Variants in ICE2 observed in about 807,000 individuals in gnomAD.
ICE2 encodes little elongation complex subunit 2.
In ICE2, 87 loss-of-function variants were observed where a neutral mutation model predicts 105.4. The observed-to-expected ratio is 0.83, with a 90% confidence interval of 0.69 to 0.99. The LOEUF (loss-of-function observed/expected upper bound fraction) is 0.99, where lower values mean the gene tolerates loss of function less well. Among genes scored for constraint, ICE2 ranks in the 50% least tolerant of loss-of-function variants. The probability of loss-of-function intolerance (pLI) is 0.00; values close to 1 mark genes in which losing one functional copy is unlikely to be tolerated. For missense variants in ICE2, 1,323 were observed against 1,146.7 expected, an observed-to-expected ratio of 1.15 and a Z score of -2.22; for synonymous variants, 399 against 392.0, an observed-to-expected ratio of 1.02 and a Z score of -0.21.
In ICE2 at chr15:60,437,259, A is replaced by AAT. The variant is rs879345467; in HGVS notation, c.2426-1034_2426-1033dup. On this transcript the variant is annotated intron_variant, in intron 12 of 15. Transcript: ENST00000261520. ...GACAGAGTAAGACTCCGTCTCAAAA[A>AAT]ATATATATATATATTTATTAAAGCA... is the stretch of plus-strand genomic sequence containing the variant. Among the ~76,000 whole-genome samples the AAT allele has an allele frequency of 1.9e-3, 281 of 151,540 alleles. 1 individual carries two copies. The highest frequency in any genetic ancestry group is 6.3e-3 in the African/African-American group (261 of 41,360).
intron 13 of ICE2, among the ~76,000 whole-genome samples, chr15:60,432,208 G>T (rs1318951810): frequency 7.5e-6 from 1 of 133,188 alleles, no homozygotes. Flanking sequence ...TTTTGAGATG[G>T]AGTCCTGCTC....
At chr15:60,463,777 A>ATT (rs2064345246) in intron 5 of ICE2, among the ~76,000 whole-genome samples, 2 of 152,224 alleles carry the variant, frequency 1.3e-5, no homozygotes, top group Admixed American at 1.3e-4. Context: ...TCTCTTAAAA[A>ATT]AAGAAAAAAA....
At chr15:60,475,459 CA>C (rs35367619) in intron 3 of ICE2, among the ~76,000 whole-genome samples, 9 of 148,980 alleles carry the variant, frequency 6.0e-5, no homozygotes, top group Non-Finnish European at 6.0e-5. Flanking sequence ...TTTTAATTAC[CA>C]AAAAAAAAGA....
At chr15:60,459,304 A>C (rs1200814464) in intron 5 of ICE2, among the ~76,000 whole-genome samples, 1 of 152,234 alleles carries the variant, frequency 6.6e-6, no homozygotes, top group Non-Finnish European at 1.5e-5. Context: ...AGAAGCCCTA[A>C]AAGAAATGAC....
At chr15:60,426,427 C>A (rs2063339670) in intron 15 of ICE2, among the ~76,000 whole-genome samples, 1 of 152,156 alleles carries the variant, frequency 6.6e-6, no homozygotes, top group Non-Finnish European at 1.5e-5. Context: ...GTAGACTACA[C>A]CCTCTAGGTT....
At chr15:60,454,394 C>T (rs76512689) in intron 8 of ICE2, among the ~76,000 whole-genome samples, 2 of 152,188 alleles carry the variant, frequency 1.3e-5, no homozygotes, top group African/African-American at 4.8e-5. Context: ...AGGTTGTCTA[C>T]TAAAGTACTA....
At chr15:60,460,809 A>G (rs1193844025) in intron 5 of ICE2, among the ~76,000 whole-genome samples, 1 of 152,234 alleles carries the variant, frequency 6.6e-6, no homozygotes, top group Non-Finnish European at 1.5e-5. Context: ...ATAGATATTC[A>G]TACGGGAAAA....
In ICE2 at chr15:60,479,009, G is replaced by A. The variant is rs1456959587; in HGVS notation, c.-99C>T. 1 of 455,838 alleles carries A rather than the reference G, an allele frequency of 2.2e-6. No homozygotes were observed. Among genetic ancestry groups the A allele is most frequent in the Non-Finnish European group, 4.4e-6 (1 of 226,752 alleles). 28.2% of individuals were successfully genotyped at this position (455,838 alleles called of 1,614,324 possible). A position where few individuals can be genotyped will look rare whatever the true frequency, so the allele number is the denominator to read the frequency against. On this transcript the variant is annotated 5_prime_UTR_variant, in exon 1 of 16. Coordinates refer to ENST00000261520, the MANE Select transcript of ICE2 (RefSeq NM_024611.6). ...ACACAGCCTTTCCGCCCACCTCATGGTCCGCGGCGGCTCTTGCCCAGGCCG... is the reference window on the plus strand; with the variant it reads ...ACACAGCCTTTCCGCCCACCTCATGATCCGCGGCGGCTCTTGCCCAGGCCG...
chr15:60,431,017 G>A (rs2063446777), intron 14 of ICE2, among the ~76,000 whole-genome samples: 1 of 152,002 alleles, frequency 6.6e-6, no homozygotes, highest in East Asian at 1.9e-4. Flanking sequence ...GATTACAGGT[G>A]CACGCCACAA....
chr15:60,478,155 A>G, intron 1 of ICE2, 86 bp from the exon 2 acceptor site: 1 of 627,204 alleles, frequency 1.6e-6, no homozygotes, highest in Non-Finnish European at 2.9e-6. Context: ...CTCCCTAAAC[A>G]TCTACCCTCA....
chr15:60,468,043 G>C lies in ICE2; in HGVS notation c.408+18C>G. The C allele has an allele frequency of 6.7e-7, 1 of 1,496,120 alleles. No homozygotes were observed. Among genetic ancestry groups the C allele is most frequent in the South Asian group, 1.4e-5 (1 of 70,370 alleles). The allele number at this position is 1,496,120 out of a possible 1,614,324, so 92.7% of individuals were successfully genotyped here. A position where few individuals can be genotyped will look rare whatever the true frequency, so the allele number is the denominator to read the frequency against. ...ATTTTTATTATTTTTTCCTGAAACT[G>C]AAGAACACAATACATACCAAGTACT... On this transcript the variant is annotated intron_variant, in intron 4 of 15. Coordinates refer to ENST00000261520, the MANE Select transcript of ICE2 (RefSeq NM_024611.6).
chr15:60,452,969 G>A (rs1439370015), intron 9 of ICE2: 22 of 983,344 alleles, frequency 2.2e-5, no homozygotes, highest in Admixed American at 6.1e-5. Flanking sequence ...AGTGGCTGAC[G>A]CCTGTAATCC....
chr15:60,466,241 C>T lies in ICE2; in HGVS notation c.528+353G>A, dbSNP rs541332914. Among the ~76,000 whole-genome samples the T allele has an allele frequency of 1.6e-4, 25 of 152,142 alleles. No individual in the cohort carries two copies. The East Asian group carries it at 1.7e-3, about 11-fold the overall frequency. On this transcript the variant is annotated intron_variant, in intron 5 of 15. Coordinates refer to ENST00000261520, the MANE Select transcript of ICE2 (RefSeq NM_024611.6). ...CATAATGAGCACAAGTTCACTTGAC[C>T]GAGTTTTAAAAGGCCATTCAGACTT...
intron 15 of ICE2, among the ~76,000 whole-genome samples, chr15:60,424,604 T>C (rs1296598365): frequency 1.3e-5 from 2 of 152,056 alleles, no homozygotes; most frequent in Non-Finnish European, 2.9e-5. Context: ...ACCTCCTGGG[T>C]TCAAGCGATT....
At chr15:60,427,664 G>T (rs961111494) in intron 15 of ICE2, among the ~76,000 whole-genome samples, 1 of 152,142 alleles carries the variant, frequency 6.6e-6, no homozygotes, top group Non-Finnish European at 1.5e-5. Flanking sequence ...TGATCCACCC[G>T]CCTTGGCCTC....
At chr15:60,433,386 A>G (rs531091144) in intron 13 of ICE2, among the ~76,000 whole-genome samples, 14 of 151,544 alleles carry the variant, frequency 9.2e-5, no homozygotes, top group Admixed American at 9.2e-4. Context: ...GCACCCGGCC[A>G]AATCAGGTAT....
At chr15:60,471,151 A>G (rs1315162385) in intron 3 of ICE2, among the ~76,000 whole-genome samples, 1 of 152,250 alleles carries the variant, frequency 6.6e-6, no homozygotes, top group Non-Finnish European at 1.5e-5. Flanking sequence ...CAATGGATAA[A>G]AAACTACTCA....
chr15:60,478,933 T>G (rs909305660), intron 1 of ICE2, 70 bp downstream of exon 1: 43 of 455,250 alleles, frequency 9.4e-5, no homozygotes, highest in African/African-American at 8.0e-4. Flanking sequence ...CGCCCCTGCA[T>G]GAGCACGCCC....
rs1347920783 is a variant in ICE2 at position 60,446,951 on chromosome 15, T to C, written c.2295+1019A>G. Among the ~76,000 whole-genome samples, 4 of 152,228 alleles carry C rather than the reference T, an allele frequency of 2.6e-5. No individual in the cohort carries two copies. In the East Asian group the frequency reaches 7.7e-4, roughly 29 times the overall value. On this transcript the variant is annotated intron_variant, in intron 11 of 15. Coordinates refer to ENST00000261520, the MANE Select transcript of ICE2 (RefSeq NM_024611.6). ...AAATTAAAGGAAACACACTTTAATA[T>C]TACATACTCAATTATAATATAGAAG...
Sources: gnomAD v4.1 joint callset for allele counts (sites outside exome capture counted in the v4.1 genomes callset) on GRCh38, gnomAD v4.1.1 for gene constraint, MANE v1.5 for transcripts, NCBI Gene and HGNC (gene_info 2026-07-23, HGNC 2026-07-21) for gene names.